Variants in ZNF385D observed in about 807,000 individuals in gnomAD.
The protein encoded by ZNF385D is zinc finger protein 385D, also known as zinc finger protein 659.
A neutral mutation model predicts 35.8 loss-of-function variants in ZNF385D; 15 were observed. The ratio of observed to expected loss-of-function variants is 0.42; its 90% CI spans 0.28 to 0.64. The LOEUF is 0.64. ZNF385D is among the 30% of genes least tolerant of loss of function. The pLI is 0.23. For synonymous variants in ZNF385D, 212 were observed against 186.8 expected, an observed-to-expected ratio of 1.13 and a Z score of -1.10; for missense variants, 474 against 494.6, an observed-to-expected ratio of 0.96 and a Z score of 0.39.
chr3:21,615,661 T>G (rs1428153676), intron 2 of ZNF385D, among the ~76,000 whole-genome samples: 1 of 152,160 alleles, frequency 6.6e-6, no homozygotes, highest in Non-Finnish European at 1.5e-5. Context: ...TTTTTTTCAG[T>G]TGTCCTTTGC....
chr3:21,883,178 T>A (rs1698366151), intron 3 of ZNF385D, among the ~76,000 whole-genome samples: 1 of 151,952 alleles, frequency 6.6e-6, no homozygotes, highest in African/African-American at 2.4e-5. Context: ...AATGTCTTGG[T>A]AGCTTGTCTT....
intron 5 of ZNF385D, among the ~76,000 whole-genome samples, chr3:21,435,751 C>T (rs1324251686): frequency 1.3e-5 from 2 of 152,152 alleles, no homozygotes; most frequent in African/African-American, 4.8e-5. Context: ...AATGTATTTG[C>T]ATGAATAAAC....
chr3:21,745,934 T>G (rs1335368661), intron 1 of ZNF385D, among the ~76,000 whole-genome samples: 1 of 152,212 alleles, frequency 6.6e-6, no homozygotes, highest in Non-Finnish European at 1.5e-5. Context: ...GTCTATCTTA[T>G]TAAGTCAATA....
At chr3:21,862,427 C>T (rs929204418) in intron 3 of ZNF385D, among the ~76,000 whole-genome samples, 1 of 151,588 alleles carries the variant, frequency 6.6e-6, no homozygotes, top group African/African-American at 2.4e-5. Context: ...TATCACAGTA[C>T]GATTGTAAGA....
chr3:21,756,908 G>T (rs1487327326), intron 3 of ZNF385D, among the ~76,000 whole-genome samples: 2 of 152,070 alleles, frequency 1.3e-5, no homozygotes, highest in African/African-American at 4.8e-5. Flanking sequence ...TTTTTAAGTT[G>T]TGTAGACACT....
intron 3 of ZNF385D, among the ~76,000 whole-genome samples, chr3:22,109,007 G>C (rs1193809049): frequency 6.6e-6 from 1 of 152,082 alleles, no homozygotes; most frequent in African/African-American, 2.4e-5. Context: ...GCAAGATTCT[G>C]TCTCAAAAAA....
intron 2 of ZNF385D, among the ~76,000 whole-genome samples, chr3:22,321,414 G>A (rs1228866079): frequency 6.6e-6 from 1 of 151,958 alleles, no homozygotes; most frequent in Admixed American, 6.5e-5. Context: ...TGCCCAGGCT[G>A]GAGTGCAATG....
intron 3 of ZNF385D, among the ~76,000 whole-genome samples, chr3:22,123,814 A>T (rs1405024940): frequency 6.6e-6 from 1 of 151,896 alleles, no homozygotes; most frequent in African/African-American, 2.4e-5. Context: ...GGGAACTGAG[A>T]TTGCACCACT....
chr3:21,711,124 T>G (rs1333876420), intron 1 of ZNF385D, among the ~76,000 whole-genome samples: 1 of 137,480 alleles, frequency 7.3e-6, no homozygotes, highest in Non-Finnish European at 1.5e-5. Context: ...TCACTGCAAC[T>G]TCCGCCTCCC....
intron 3 of ZNF385D, among the ~76,000 whole-genome samples, chr3:21,863,938 T>G (rs1273175250): frequency 6.6e-6 from 1 of 152,172 alleles, no homozygotes; most frequent in Non-Finnish European, 1.5e-5. Context: ...ATGCAGATTC[T>G]GATTCAGCAA....
intron 3 of ZNF385D, among the ~76,000 whole-genome samples, chr3:22,066,548 G>C (rs1413557381): frequency 9.2e-6 from 1 of 108,594 alleles, no homozygotes; most frequent in African/African-American, 3.7e-5. Context: ...GTGTGTGTGT[G>C]TGTGTGTGTG....
intron 3 of ZNF385D, among the ~76,000 whole-genome samples, chr3:21,773,804 T>G (rs2071177591): frequency 6.6e-6 from 1 of 151,524 alleles, no homozygotes; most frequent in African/African-American, 2.4e-5. Context: ...GAAAAAGGAA[T>G]GCTTTTACAC....
intron 2 of ZNF385D, among the ~76,000 whole-genome samples, chr3:22,286,015 C>G (rs377490329): frequency 6.6e-6 from 1 of 151,988 alleles, no homozygotes; most frequent in Non-Finnish European, 1.5e-5. Context: ...AATTTATTTT[C>G]TTGTAAAGCT....
At chr3:21,486,241 T>C (rs1276843428) in intron 4 of ZNF385D, among the ~76,000 whole-genome samples, 2 of 142,372 alleles carry the variant, frequency 1.4e-5, no homozygotes, top group East Asian at 2.0e-4. Context: ...ATGATCAAGA[T>C]TGAGTCATGC....
intron 2 of ZNF385D, among the ~76,000 whole-genome samples, chr3:22,347,798 T>C (rs1233879797): frequency 1.3e-5 from 2 of 152,142 alleles, no homozygotes. Flanking sequence ...CAGAACTATA[T>C]AGTCTCTCCA....
At chr3:21,998,666 CTA>C (rs1296771298) in intron 3 of ZNF385D, among the ~76,000 whole-genome samples, 1 of 152,146 alleles carries the variant, frequency 6.6e-6, no homozygotes, top group East Asian at 1.9e-4. Flanking sequence ...TATTTTGAAC[CTA>C]TGTTAATAAA....
chr3:22,212,901 T>A (rs948661617), intron 2 of ZNF385D, among the ~76,000 whole-genome samples: 1 of 151,970 alleles, frequency 6.6e-6, no homozygotes, highest in African/African-American at 2.4e-5. Context: ...CACAGCCAAA[T>A]TGATAACCTT....
At chr3:22,024,539 ATAATAT>A (rs1192196106) in intron 3 of ZNF385D, among the ~76,000 whole-genome samples, 1 of 152,098 alleles carries the variant, frequency 6.6e-6, no homozygotes, top group African/African-American at 2.4e-5. Context: ...TATAATAGTT[ATAATAT>A]TAATAGTATG....
At chr3:21,507,636 A>C (rs1178236619) in intron 4 of ZNF385D, among the ~76,000 whole-genome samples, 1 of 152,072 alleles carries the variant, frequency 6.6e-6, no homozygotes, top group Non-Finnish European at 1.5e-5. Flanking sequence ...GGTCTCACTT[A>C]TTTTGCCCAG....
Sources: gnomAD v4.1 joint callset for allele counts (sites outside exome capture counted in the v4.1 genomes callset) on GRCh38, gnomAD v4.1.1 for gene constraint, MANE v1.5 for transcripts, NCBI Gene and HGNC (gene_info 2026-07-23, HGNC 2026-07-21) for gene names.